PARD3B: variants seen among roughly 807,000 people sequenced by gnomAD.
PARD3B encodes partitioning defective 3 homolog B.
PARD3B carries 103 observed loss-of-function variants against 130.2 expected under a neutral mutation model. The ratio of observed to expected loss-of-function variants is 0.79; its 90% CI spans 0.67 to 0.93. The LOEUF is 0.93. Ranked by LOEUF, PARD3B falls within the 40% of genes least tolerant of loss-of-function variation. The pLI is 0.00. For missense variants in PARD3B, 1,609 were observed against 1,499.2 expected (o/e 1.07, Z -1.21); for synonymous variants, 583 against 553.2 (o/e 1.05, Z -0.76).
chr2:204,766,146 A>G (rs2125418881), intron 2 of PARD3B, among the ~76,000 whole-genome samples: 1 of 152,290 alleles, frequency 6.6e-6, no homozygotes, highest in East Asian at 1.9e-4. Context: ...GCTATCTTAT[A>G]GTATTGTTAG....
intron 22 of PARD3B, among the ~76,000 whole-genome samples, chr2:205,604,990 G>A (rs2054930682): frequency 6.6e-6 from 1 of 152,020 alleles, no homozygotes; most frequent in African/African-American, 2.4e-5. Context: ...TCCTCCTCTT[G>A]GTCAATTGAG....
intron 4 of PARD3B, among the ~76,000 whole-genome samples, chr2:205,057,783 G>A (rs1306787158): frequency 6.6e-6 from 1 of 150,688 alleles, no homozygotes; most frequent in Non-Finnish European, 1.5e-5. Context: ...GTGTGTGTGT[G>A]TTTGTGTGTA....
intron 3 of PARD3B, among the ~76,000 whole-genome samples, chr2:204,988,056 A>AT (rs1247582167): frequency 6.6e-6 from 1 of 152,114 alleles, no homozygotes; most frequent in African/African-American, 2.4e-5. Context: ...GGGTCATCAC[A>AT]TTGCAGGAGG....
chr2:204,928,628 T>G (rs1179338622), intron 2 of PARD3B, among the ~76,000 whole-genome samples: 1 of 152,104 alleles, frequency 6.6e-6, no homozygotes, highest in African/African-American at 2.4e-5. Context: ...AAAGACGTCT[T>G]GGTCAATCTC....
At chr2:204,939,622 C>T (rs190558506) in intron 2 of PARD3B, among the ~76,000 whole-genome samples, 3 of 152,210 alleles carry the variant, frequency 2.0e-5, no homozygotes, top group East Asian at 1.9e-4. Context: ...TTTTTTAACA[C>T]GATTTCTTTT....
intron 2 of PARD3B, among the ~76,000 whole-genome samples, chr2:204,777,751 A>G (rs774437998): frequency 6.6e-6 from 1 of 152,142 alleles, no homozygotes; most frequent in African/African-American, 2.4e-5. Flanking sequence ...CCTGGTGTCA[A>G]AGTGAGCCAC....
chr2:204,931,861 A>G (rs1383015023), intron 2 of PARD3B, among the ~76,000 whole-genome samples: 3 of 152,082 alleles, frequency 2.0e-5, no homozygotes, highest in African/African-American at 7.2e-5. Flanking sequence ...TTGCACCTCA[A>G]GCTTGGCATC....
intron 5 of PARD3B, among the ~76,000 whole-genome samples, chr2:205,106,661 G>C (rs150386827): frequency 6.6e-6 from 1 of 152,078 alleles, no homozygotes; most frequent in African/African-American, 2.4e-5. Context: ...TGTCTACAAA[G>C]CCACTATTTC....
chr2:204,947,031 G>A (rs1263549700), intron 2 of PARD3B, among the ~76,000 whole-genome samples: 1 of 152,134 alleles, frequency 6.6e-6, no homozygotes, highest in African/African-American at 2.4e-5. Context: ...CTTTGGGAAG[G>A]GCAGTCTGCT....
chr2:204,802,317 C>T (rs917187980), intron 2 of PARD3B, among the ~76,000 whole-genome samples: 6 of 152,014 alleles, frequency 3.9e-5, no homozygotes, highest in East Asian at 1.9e-4. Flanking sequence ...GATTGAATGA[C>T]GATCATTAAA....
chr2:205,273,110 TTCAGTGTTC>T (rs1320527272), intron 16 of PARD3B, among the ~76,000 whole-genome samples: 1 of 152,226 alleles, frequency 6.6e-6, no homozygotes, highest in Non-Finnish European at 1.5e-5. Context: ...TGTAAACTAG[TTCAGTGTTC>T]TCTGAACAGC....
chr2:205,533,488 T>C (rs1278675319), intron 21 of PARD3B, among the ~76,000 whole-genome samples: 1 of 152,232 alleles, frequency 6.6e-6, no homozygotes, highest in East Asian at 1.9e-4. Context: ...CTTACCCCTA[T>C]ACCTTTATTC....
Position 205,563,812 on chromosome 2 carries a change from T to C in PARD3B, c.3260+10409T>C, listed in dbSNP as rs1481783384. Reference sequence around the variant, plus strand: ...TTCCTTACAATTACCCTGTTCCTGTTGGGAACATACACAGAGATGTGAGTG... The same window carrying C: ...TTCCTTACAATTACCCTGTTCCTGTCGGGAACATACACAGAGATGTGAGTG... On this transcript the variant is annotated intron_variant, in intron 22 of 22. Coordinates refer to ENST00000406610, the MANE Select transcript of PARD3B (RefSeq NM_001302769.2). The surrounding 1 kb of genome is among the most constrained non-coding windows in gnomAD (Gnocchi z 4.2). Among the ~76,000 whole-genome samples the C allele has an allele frequency of 5.9e-5, 9 of 152,154 alleles. No individual in the cohort carries two copies. The highest frequency in any genetic ancestry group is 5.2e-4 in the Admixed American group (8 of 15,278).
intron 22 of PARD3B, among the ~76,000 whole-genome samples, chr2:205,587,458 A>T (rs1045431396): frequency 1.3e-5 from 2 of 152,136 alleles, no homozygotes; most frequent in Non-Finnish European, 1.5e-5. Flanking sequence ...CACTGCTCTA[A>T]TGTTCTCAAT....
intron 3 of PARD3B, among the ~76,000 whole-genome samples, chr2:204,991,921 G>T (rs1458719933): frequency 6.6e-6 from 1 of 150,692 alleles, no homozygotes; most frequent in Non-Finnish European, 1.5e-5. Flanking sequence ...TTTTGATGGG[G>T]TTGTTTGTTT....
At position 205,423,222 on chromosome 2, in the gene PARD3B, G is replaced by A. The variant is rs73053990; in HGVS notation, c.2742-17148G>A. On this transcript the variant is annotated intron_variant, in intron 19 of 22. Transcript: ENST00000406610. The stretch of plus-strand genomic sequence containing the variant: ...CCTAAGGCAAATGTTGGCCCAGCCA[G>A]TGCTGTGTCCTCAGTGTGCATGCGG... Among the ~76,000 whole-genome samples, 1,111 of 152,300 alleles carry A rather than the reference G, an allele frequency of 7.3e-3. 14 individuals carry two copies. Among genetic ancestry groups the A allele is most frequent in the African/African-American group, 0.026 (1,063 of 41,548 alleles).
At chr2:205,186,842 C>T (rs2036130110) in intron 14 of PARD3B, among the ~76,000 whole-genome samples, 1 of 152,110 alleles carries the variant, frequency 6.6e-6, no homozygotes, top group Non-Finnish European at 1.5e-5. Flanking sequence ...TAATTTTGTC[C>T]ATTCATTTCC....
Position 205,454,503 on chromosome 2 carries a change from G to A in PARD3B, c.3044+13831G>A, listed in dbSNP as rs565525949. ...CTTCTGGAAAGCTGACTGAGGATTG[G>A]TATGAACCCATCCAGAAATGGAATT... On this transcript the variant is annotated intron_variant, in intron 20 of 22. Transcript: ENST00000406610. Among the ~76,000 whole-genome samples, 273 of 152,222 alleles carry A rather than the reference G, an allele frequency of 1.8e-3. 1 individual carries two copies. Among genetic ancestry groups the A allele is most frequent in the African/African-American group, 6.3e-3 (262 of 41,548 alleles).
At chr2:204,764,716 G>GTGTGTGTGTGTGTC in intron 2 of PARD3B, among the ~76,000 whole-genome samples, 1 of 5,332 alleles carries the variant, frequency 1.9e-4, no homozygotes, top group South Asian at 0.011. Flanking sequence ...GCATGCATGC[G>GTGTGTGTGTGTGTC]TGTGTGTGTG....
Sources: allele counts gnomAD v4.1 joint callset (sites outside exome capture counted in the v4.1 genomes callset), GRCh38; gene constraint gnomAD v4.1.1; non-coding constraint Gnocchi (gnomAD v3.1); transcripts MANE v1.5; gene names NCBI Gene and HGNC (gene_info 2026-07-23, HGNC 2026-07-21).